Variants in DGKI observed in about 807,000 individuals in gnomAD.
The protein encoded by DGKI is diacylglycerol kinase iota.
Under a neutral mutation model 147.5 loss-of-function variants are expected in DGKI, and 55 were observed. That is an observed-to-expected ratio of 0.37 (90% CI 0.30 to 0.47). The LOEUF is 0.47. Ranked by LOEUF, DGKI falls within the 20% of genes least tolerant of loss-of-function variation. The probability of loss-of-function intolerance (pLI) is 1.00; values close to 1 mark genes in which losing one functional copy is unlikely to be tolerated. For synonymous variants in DGKI, 469 were observed against 477.1 expected (o/e 0.98, Z 0.22); for missense variants, 1,007 against 1,323.8 (o/e 0.76, Z 3.71).
At position 137,846,467 on chromosome 7, in the gene DGKI, C is replaced by G. The variant is rs201406327; in HGVS notation, c.396G>C (p.Ser132=). 3.1e-5 allele frequency: 50 copies of G among 1,591,902 alleles called. No individual in the cohort carries two copies. Among genetic ancestry groups the G allele is most frequent in the Middle Eastern group, 3.3e-4 (2 of 5,992 alleles). ...TGCCGGCTCCCCGCACCTACCTGTA[C>G]GAGACCTGCTTCCGGAAAGTTAAGT... The part of the protein sequence containing the change: ...LRNLTFRKQV[S]YRKAISRAGL... Residue 132 remains serine (S), a synonymous_variant, in exon 1 of 33, where the codon TCG becomes TCC. Transcript: ENST00000614521. The surrounding 1 kb of genome is among the most constrained non-coding windows in gnomAD (Gnocchi z 4.0).
chr7:137,747,490 C>T lies in DGKI; in HGVS notation c.402-57488G>A, dbSNP rs184310892. 4.0e-3 allele frequency among the ~76,000 whole-genome samples: 616 copies of T among 152,224 alleles called. 1 individual carries two copies. The highest frequency in any genetic ancestry group is 5.9e-3 in the Non-Finnish European group (398 of 68,018). ...AATGACTTTGTAACTTTACCTCATC[C>T]TCTCCATTTACACAAGGCATAACCG... is the stretch of plus-strand genomic sequence containing the variant. On this transcript the variant is annotated intron_variant, in intron 1 of 32. Transcript: ENST00000614521.
intron 12 of DGKI, among the ~76,000 whole-genome samples, chr7:137,587,844 C>T (rs563197534): frequency 1.3e-5 from 2 of 152,196 alleles, no homozygotes; most frequent in African/African-American, 4.8e-5. Flanking sequence ...TATGGACAGA[C>T]CTAGTACCTA....
chr7:137,564,870 G>A (rs954070701), intron 19 of DGKI, among the ~76,000 whole-genome samples: 1 of 152,228 alleles, frequency 6.6e-6, no homozygotes, highest in African/African-American at 2.4e-5. Flanking sequence ...CTGGCCTTCA[G>A]CGACCCCCAA....
At chr7:137,835,599 G>A (rs1184599668) in intron 1 of DGKI, among the ~76,000 whole-genome samples, 2 of 151,860 alleles carry the variant, frequency 1.3e-5, no homozygotes, top group Non-Finnish European at 2.9e-5. Flanking sequence ...TTTTTCCCCA[G>A]TAAGAGGAGT....
At chr7:137,536,488 G>C (rs1396862114) in intron 20 of DGKI, among the ~76,000 whole-genome samples, 1 of 152,118 alleles carries the variant, frequency 6.6e-6, no homozygotes, top group Admixed American at 6.6e-5. Flanking sequence ...TCAGAACCAA[G>C]GACAACGCTG....
rs1264995408 is a variant in DGKI at position 137,640,483 on chromosome 7, C to T, written c.804+4989G>A. On this transcript the variant is annotated intron_variant, in intron 6 of 32. Coordinates refer to ENST00000614521, the MANE Select transcript of DGKI (RefSeq NM_001321708.2). ...AGGCTACTGGGAGAGGATTCCTTTG[C>T]TATAGCTGCACAAACACACAGACAG... Among the ~76,000 whole-genome samples the T allele has an allele frequency of 7.2e-5, 11 of 152,148 alleles. No homozygotes were observed. In the East Asian group the frequency reaches 1.7e-3, roughly 24 times the overall value.
At chr7:137,395,979 G>T (rs919006908) in intron 31 of DGKI, 11 of 393,264 alleles carry the variant, frequency 2.8e-5, no homozygotes, top group Non-Finnish European at 4.7e-5. Flanking sequence ...TTAGGTGATA[G>T]TCAATGCAGT....
intron 1 of DGKI, among the ~76,000 whole-genome samples, chr7:137,801,798 C>A (rs1436290462): frequency 6.6e-6 from 1 of 152,122 alleles, no homozygotes; most frequent in Admixed American, 6.5e-5. Flanking sequence ...GGGTTTGTGG[C>A]TGGGAAAAGC....
chr7:137,435,713 G>T (rs913432761), intron 28 of DGKI, among the ~76,000 whole-genome samples: 2 of 152,130 alleles, frequency 1.3e-5, no homozygotes, highest in Non-Finnish European at 2.9e-5. Flanking sequence ...GTACTGTGAC[G>T]CTCAGTACAG....
chr7:137,681,130 T>A (rs144409884), intron 2 of DGKI, among the ~76,000 whole-genome samples: 314 of 152,208 alleles, frequency 2.1e-3, no homozygotes, highest in African/African-American at 7.2e-3. Flanking sequence ...ACCATCCACA[T>A]CTCCCAGTGC....
In DGKI at chr7:137,384,274, A is replaced by G. The variant is rs1811125634; in HGVS notation, c.*6946T>C. 6.6e-6 allele frequency: 1 copy of G among 152,042 alleles called. No individual in the cohort carries two copies. The highest frequency in any genetic ancestry group is 6.6e-5 in the Admixed American group (1 of 15,234). 9.4% of individuals were successfully genotyped at this position (152,042 alleles called of 1,614,324 possible). A position where few individuals can be genotyped will look rare whatever the true frequency, so the allele number is the denominator to read the frequency against. ...AAATCCACCCTGGTATGCAAACATT[A>G]GACTTTTCTTTGCTTGAACTATGTA... On this transcript the variant is annotated 3_prime_UTR_variant, in exon 33 of 33. Coordinates refer to ENST00000614521, the MANE Select transcript of DGKI (RefSeq NM_001321708.2).
chr7:137,493,742 C>T (rs780602175), intron 21 of DGKI: 46 of 701,240 alleles, frequency 6.6e-5, no homozygotes, highest in Middle Eastern at 5.3e-4. Flanking sequence ...AGAACCAGCG[C>T]GAGAACTCTG....
At chr7:137,585,595 C>A (rs1211344662) in intron 13 of DGKI, among the ~76,000 whole-genome samples, 2 of 152,082 alleles carry the variant, frequency 1.3e-5, no homozygotes, top group Non-Finnish European at 2.9e-5. Context: ...CCAATAGTCA[C>A]CGGTACACAT....
intron 1 of DGKI, among the ~76,000 whole-genome samples, chr7:137,734,932 G>C (rs984060450): frequency 6.6e-6 from 1 of 151,992 alleles, no homozygotes; most frequent in Non-Finnish European, 1.5e-5. Context: ...ACACATCACC[G>C]CTGATCATGA....
chr7:137,756,151 G>T (rs1442384314), intron 1 of DGKI, among the ~76,000 whole-genome samples: 1 of 152,102 alleles, frequency 6.6e-6, no homozygotes, highest in African/African-American at 2.4e-5. Context: ...TCCTGCAGAG[G>T]CTTTAATAAC....
intron 6 of DGKI, among the ~76,000 whole-genome samples, chr7:137,642,459 T>C (rs1369855828): frequency 6.6e-6 from 1 of 152,152 alleles, no homozygotes; most frequent in Non-Finnish European, 1.5e-5. Context: ...CCACCCACCA[T>C]CCCCCATGCT....
chr7:137,418,380 C>T (rs1812437680), intron 28 of DGKI, among the ~76,000 whole-genome samples: 1 of 152,136 alleles, frequency 6.6e-6, no homozygotes. Context: ...GTTTTTAGCC[C>T]CATCACACAG....
At chr7:137,662,417 G>A (rs1822472662) in intron 3 of DGKI, among the ~76,000 whole-genome samples, 2 of 151,936 alleles carry the variant, frequency 1.3e-5, no homozygotes, top group South Asian at 4.2e-4. Context: ...CTAATTTTTT[G>A]TATTTTTAGT....
At chr7:137,605,142 T>C (rs1258253268) in intron 10 of DGKI, among the ~76,000 whole-genome samples, 1 of 151,870 alleles carries the variant, frequency 6.6e-6, no homozygotes, top group Non-Finnish European at 1.5e-5. Context: ...ACCCCGTCTC[T>C]ACTAAAAATA....
Sources: gnomAD v4.1 joint callset for allele counts (sites outside exome capture counted in the v4.1 genomes callset) on GRCh38, gnomAD v4.1.1 for gene constraint, Gnocchi (gnomAD v3.1) non-coding constraint, MANE v1.5 for transcripts, NCBI Gene and HGNC (gene_info 2026-07-23, HGNC 2026-07-21) for gene names.